Variants in SH2D4B observed in about 807,000 individuals in gnomAD.
The protein encoded by SH2D4B is SH2 domain containing 4B.
A neutral mutation model predicts 61.5 loss-of-function variants in SH2D4B; 45 were observed. The observed-to-expected ratio is 0.73, with a 90% confidence interval of 0.58 to 0.94. SH2D4B has a LOEUF of 0.94. Among genes scored for constraint, SH2D4B ranks in the 40% least tolerant of loss-of-function variants. The pLI is 0.00. For missense variants in SH2D4B, 572 were observed against 574.2 expected (o/e 1.00, Z 0.04); for synonymous variants, 224 against 220.4 (o/e 1.02, Z -0.14).
At chr10:80,563,008 T>G (rs1841922453) in intron 1 of SH2D4B, among the ~76,000 whole-genome samples, 1 of 148,918 alleles carries the variant, frequency 6.7e-6, no homozygotes, top group Non-Finnish European at 1.5e-5. Context: ...TTCACGCCAT[T>G]CTCCTGCCTC....
intron 6 of SH2D4B, among the ~76,000 whole-genome samples, chr10:80,620,646 G>A (rs923302812): frequency 1.2e-4 from 18 of 152,190 alleles, no homozygotes; most frequent in Admixed American, 4.6e-4. Context: ...CCCTATCCCA[G>A]CTCTGCCATT....
chr10:80,575,720 A>C (rs1842118093), intron 3 of SH2D4B, among the ~76,000 whole-genome samples: 1 of 152,210 alleles, frequency 6.6e-6, no homozygotes, highest in African/African-American at 2.4e-5. Context: ...GGTTGCAGCG[A>C]GTGGAGATTG....
rs57732942 is a variant in SH2D4B, at chr10:80,615,968, A to G, written c.988+6417A>G. Among the ~76,000 whole-genome samples the G allele has an allele frequency of 9.4e-3, 1,428 of 152,352 alleles. 33 individuals carry two copies. The highest frequency in any genetic ancestry group is 0.033 in the African/African-American group (1,363 of 41,578). ...GGTTTGTTATATGGAATAGACAAAC[A>G]TGGTGGCACATCAGGAACCGAGGCA... On this transcript the variant is annotated intron_variant, in intron 6 of 7. Transcript: ENST00000646907.
At chr10:80,571,371 A>C in intron 2 of SH2D4B, 60 bp from the exon 3 acceptor site, 1 of 1,552,002 alleles carries the variant, frequency 6.4e-7, no homozygotes, top group Non-Finnish European at 8.7e-7. Context: ...TTCAAGTTCT[A>C]TTGTTAGGTG....
At chr10:80,551,027 G>A (rs573118047) in intron 1 of SH2D4B, among the ~76,000 whole-genome samples, 1 of 152,122 alleles carries the variant, frequency 6.6e-6, no homozygotes, top group Non-Finnish European at 1.5e-5. Context: ...AAAAGAAAAA[G>A]AAAAAGAAAC....
At chr10:80,566,622 G>A (rs376880979) in intron 1 of SH2D4B, among the ~76,000 whole-genome samples, 3 of 152,152 alleles carry the variant, frequency 2.0e-5, no homozygotes, top group South Asian at 4.1e-4. Flanking sequence ...GTCCTTTGAG[G>A]TTGGGGTCAA....
At chr10:80,563,514 A>G (rs1051570066) in intron 1 of SH2D4B, among the ~76,000 whole-genome samples, 1 of 152,242 alleles carries the variant, frequency 6.6e-6, no homozygotes, top group African/African-American at 2.4e-5. Flanking sequence ...TAGCCAAAAA[A>G]TAATTGCCCA....
At chr10:80,549,203 TTGTGTGTG>T (rs1554874982) in intron 1 of SH2D4B, among the ~76,000 whole-genome samples, 6 of 120,230 alleles carry the variant, frequency 5.0e-5, no homozygotes, top group Non-Finnish European at 1.0e-4. Flanking sequence ...TGGGACTTGA[TTGTGTGTG>T]TGTGTGTGTG....
chr10:80,561,107 T>G (rs1243723700), intron 1 of SH2D4B, among the ~76,000 whole-genome samples: 1 of 152,246 alleles, frequency 6.6e-6, no homozygotes, highest in African/African-American at 2.4e-5. Context: ...TCAAATTATT[T>G]GCTGAACTAG....
At chr10:80,543,297 C>T (rs929721550) in intron 1 of SH2D4B, among the ~76,000 whole-genome samples, 4 of 152,120 alleles carry the variant, frequency 2.6e-5, no homozygotes, top group Non-Finnish European at 5.9e-5. Flanking sequence ...CCGGGGCCAG[C>T]GCGAGTTCCG....
In SH2D4B at chr10:80,603,731, G is replaced by GAGGCAAGACTCT; in HGVS notation, c.798_809dup (p.Leu269_Tyr270insTer). ...GGAGCTTGGCCAGAGCCATGAGCAG[G>GAGGCAAGACTCT]AGGCAAGACTCTACCACCACCTCCC... is the stretch of plus-strand genomic sequence containing the variant. On this transcript the variant is annotated stop_gained and inframe_insertion, in exon 5 of 8. Transcript: ENST00000646907. LOFTEE classifies it high-confidence loss of function. 6.2e-7 allele frequency: 1 copy of GAGGCAAGACTCT among 1,613,618 alleles called. No individual in the cohort carries two copies.
intron 1 of SH2D4B, among the ~76,000 whole-genome samples, chr10:80,552,810 T>A (rs145376501): frequency 8.5e-4 from 130 of 152,390 alleles, no homozygotes; most frequent in African/African-American, 3.0e-3. Context: ...TTCATTTTCA[T>A]GTGTATTTAC....
At chr10:80,623,135 G>A (rs900279517) in intron 6 of SH2D4B, among the ~76,000 whole-genome samples, 4 of 152,134 alleles carry the variant, frequency 2.6e-5, no homozygotes, top group South Asian at 2.1e-4. Context: ...GGATTGTCTC[G>A]AACTCCTGAC....
chr10:80,587,567 C>CGACG (rs2132129402), intron 3 of SH2D4B, among the ~76,000 whole-genome samples: 1 of 152,222 alleles, frequency 6.6e-6, no homozygotes, highest in African/African-American at 2.4e-5. Context: ...GCGTGAGCCA[C>CGACG]GACGCCCAGC....
At position 80,644,371 on chromosome 10, in the gene SH2D4B, T is replaced by C. The variant is rs1840360130; in HGVS notation, c.*286T>C. On this transcript the variant is annotated 3_prime_UTR_variant, in exon 8 of 8. Transcript: ENST00000646907. ...GTCATGGCTGCCGTAAACCGAGCTC[T>C]TACAGTGCGTGGACCATGTTTTAAT... 3 of 343,026 alleles carry C rather than the reference T, an allele frequency of 8.7e-6. No individual in the cohort carries two copies. Among genetic ancestry groups the C allele is most frequent in the Non-Finnish European group, 1.1e-5 (2 of 188,770 alleles). The allele number at this position is 343,026 out of a possible 1,614,324, so 21.2% of individuals were successfully genotyped here. A position where few individuals can be genotyped will look rare whatever the true frequency, so the allele number is the denominator to read the frequency against.
At chr10:80,633,197 C>T (rs576681729) in intron 6 of SH2D4B, among the ~76,000 whole-genome samples, 19 of 151,782 alleles carry the variant, frequency 1.3e-4, no homozygotes, top group Non-Finnish European at 2.6e-4. Flanking sequence ...TGGAGATGGG[C>T]AGCCCAGCCA....
intron 1 of SH2D4B, among the ~76,000 whole-genome samples, chr10:80,557,192 C>T (rs907943381): frequency 6.6e-6 from 1 of 151,906 alleles, no homozygotes; most frequent in Admixed American, 6.6e-5. Flanking sequence ...CTATTTTGAT[C>T]GATTTTTGAA....
At position 80,577,430 on chromosome 10, in the gene SH2D4B, G is replaced by GTTT. The variant is rs71482785; in HGVS notation, c.495+5864_495+5866dup. ...GTTGTTTTAGACCACTGAATTTTCT[G>GTTT]TTTTTTTTTTTTTTGAGACGGAGTC... On this transcript the variant is annotated intron_variant, in intron 3 of 7. Coordinates refer to ENST00000646907, the MANE Select transcript of SH2D4B (RefSeq NM_001388272.1). Among the ~76,000 whole-genome samples the GTTT allele has an allele frequency of 4.1e-4, 59 of 143,940 alleles. 2 individuals are homozygous for GTTT. The highest frequency in any genetic ancestry group is 1.5e-3 in the South Asian group (7 of 4,550). The allele number at this position is 143,940 out of a possible 152,430, so 94.4% of individuals were successfully genotyped here.
intron 3 of SH2D4B, among the ~76,000 whole-genome samples, chr10:80,583,440 G>A (rs903329230): frequency 2.7e-5 from 4 of 150,206 alleles, no homozygotes; most frequent in East Asian, 3.9e-4. Flanking sequence ...AGGCTGAGGC[G>A]GGCGGATCAC....
Sources: allele counts gnomAD v4.1 joint callset (sites outside exome capture counted in the v4.1 genomes callset), GRCh38; gene constraint gnomAD v4.1.1; transcripts MANE v1.5; gene names NCBI Gene and HGNC (gene_info 2026-07-23, HGNC 2026-07-21).